APBB1IP: variants seen among roughly 807,000 people sequenced by gnomAD.
APBB1IP encodes the protein amyloid beta A4 precursor protein-binding family B member 1-interacting protein.
APBB1IP carries 27 observed loss-of-function variants against 64.9 expected under a neutral mutation model. That is an observed-to-expected ratio of 0.42 (90% CI 0.31 to 0.57). The LOEUF is 0.57. APBB1IP is among the 20% of genes least tolerant of loss of function. APBB1IP has a pLI of 0.20. For synonymous variants in APBB1IP, 392 were observed against 331.0 expected (o/e 1.18, Z -2.00); for missense variants, 812 against 845.5 (o/e 0.96, Z 0.49).
Position 26,475,407 on chromosome 10 carries a change from C to T in APBB1IP, c.1-16920C>T, listed in dbSNP as rs556404910. On this transcript the variant is annotated intron_variant, in intron 2 of 14. Transcript: ENST00000376236. ...CAGGAATGAGATTACAGGCCGGAGC[C>T]GCCGTGCCTGGCCTTCCCTTGCTTT... is the stretch of plus-strand genomic sequence containing the variant. Among the ~76,000 whole-genome samples the T allele has an allele frequency of 2.0e-5, 3 of 152,274 alleles. No homozygotes were observed. In the South Asian group the frequency reaches 6.2e-4, roughly 32 times the overall value.
At chr10:26,471,692 GT>G (rs1044681911) in intron 2 of APBB1IP, among the ~76,000 whole-genome samples, 15 of 150,172 alleles carry the variant, frequency 1.0e-4, no homozygotes, top group Admixed American at 2.0e-4. Flanking sequence ...AGCTTTTTTT[GT>G]TTTTTTTTGT....
intron 11 of APBB1IP, among the ~76,000 whole-genome samples, chr10:26,554,238 G>A (rs934930773): frequency 6.6e-6 from 1 of 152,140 alleles, no homozygotes; most frequent in African/African-American, 2.4e-5. Context: ...CAAACTGCTG[G>A]TAACTAGATA....
At chr10:26,503,065 C>G in intron 5 of APBB1IP, 132 bp from the exon 6 acceptor site, 1 of 757,220 alleles carries the variant, frequency 1.3e-6, no homozygotes, top group Middle Eastern at 2.6e-4. Context: ...TTAATAAATT[C>G]TGAAAATCAA....
chr10:26,519,779 G>T (rs907294707), intron 8 of APBB1IP, among the ~76,000 whole-genome samples: 1 of 152,164 alleles, frequency 6.6e-6, no homozygotes, highest in Non-Finnish European at 1.5e-5. Context: ...ATTTTGAAGT[G>T]GCCAATTTTA....
intron 14 of APBB1IP, among the ~76,000 whole-genome samples, chr10:26,562,776 G>A (rs977811627): frequency 3.3e-5 from 5 of 152,008 alleles, no homozygotes; most frequent in African/African-American, 1.2e-4. Context: ...CAGCCTGGGC[G>A]ACAGAGTAAG....
At position 26,513,523 on chromosome 10, in the gene APBB1IP, T is replaced by C. The variant is rs371487753; in HGVS notation, c.692-16T>C. 4.3e-5 allele frequency: 70 copies of C among 1,611,786 alleles called. No individual in the cohort carries two copies. The highest frequency in any genetic ancestry group is 5.9e-5 in the Non-Finnish European group (70 of 1,179,542). On this transcript the variant is annotated splice_polypyrimidine_tract_variant and intron_variant, in intron 7 of 14. Transcript: ENST00000376236. ...ATGTCTTGGGTCTGAAAGAATACCT[T>C]TTCTTATTTCATCAGAGAGGTTTTT...
At chr10:26,474,228 T>A (rs1432595279) in intron 2 of APBB1IP, among the ~76,000 whole-genome samples, 1 of 152,086 alleles carries the variant, frequency 6.6e-6, no homozygotes, top group African/African-American at 2.4e-5. Context: ...AGTGGCTGTA[T>A]CCTGCCTTCT....
At chr10:26,478,518 G>T (rs887213914) in intron 2 of APBB1IP, among the ~76,000 whole-genome samples, 3 of 152,060 alleles carry the variant, frequency 2.0e-5, no homozygotes, top group Non-Finnish European at 2.9e-5. Context: ...AGCAGTCTGA[G>T]GCAGGAGAAT....
At chr10:26,510,568 A>G (rs1437096445) in intron 6 of APBB1IP, among the ~76,000 whole-genome samples, 5 of 152,066 alleles carry the variant, frequency 3.3e-5, no homozygotes, top group Non-Finnish European at 7.4e-5. Context: ...CCTTGCCTCT[A>G]CAAAAAAATG....
intron 13 of APBB1IP, 63 bp downstream of exon 13, chr10:26,560,907 TC>T: frequency 8.0e-7 from 1 of 1,253,878 alleles, no homozygotes; most frequent in Non-Finnish European, 1.1e-6. Context: ...TCAAAATGTA[TC>T]CAATACATCT....
intron 2 of APBB1IP, among the ~76,000 whole-genome samples, chr10:26,472,470 A>G (rs1367076209): frequency 6.6e-6 from 1 of 151,908 alleles, no homozygotes; most frequent in African/African-American, 2.4e-5. Context: ...TACCCTCAAC[A>G]CTCCTGCACT....
At chr10:26,488,292 G>A (rs1835917071) in intron 2 of APBB1IP, among the ~76,000 whole-genome samples, 1 of 151,502 alleles carries the variant, frequency 6.6e-6, no homozygotes, top group African/African-American at 2.4e-5. Flanking sequence ...CTGGACTTTG[G>A]TGGCACCATC....
chr10:26,484,685 AT>A (rs1398501903), intron 2 of APBB1IP, among the ~76,000 whole-genome samples: 1 of 152,152 alleles, frequency 6.6e-6, no homozygotes, highest in African/African-American at 2.4e-5. Context: ...AAACAATTGT[AT>A]TATTACATAT....
At chr10:26,475,094 G>A (rs531710770) in intron 2 of APBB1IP, among the ~76,000 whole-genome samples, 30 of 151,712 alleles carry the variant, frequency 2.0e-4, no homozygotes, top group Admixed American at 4.6e-4. Context: ...TGATGTGTCC[G>A]TGTCTTCCCT....
intron 2 of APBB1IP, among the ~76,000 whole-genome samples, chr10:26,471,297 C>T (rs1835712570): frequency 6.6e-6 from 1 of 152,174 alleles, no homozygotes; most frequent in Non-Finnish European, 1.5e-5. Context: ...GACCCCCACA[C>T]TGCACACGGG....
chr10:26,481,912 AT>A (rs1190573673), intron 2 of APBB1IP, among the ~76,000 whole-genome samples: 4 of 150,312 alleles, frequency 2.7e-5, no homozygotes, highest in African/African-American at 7.4e-5. Context: ...CTCTCTTAGT[AT>A]TTTTTTAAAT....
chr10:26,451,055 A>G (rs1281629113), intron 2 of APBB1IP, among the ~76,000 whole-genome samples: 1 of 152,134 alleles, frequency 6.6e-6, no homozygotes, highest in African/African-American at 2.4e-5. Flanking sequence ...GTTAACTATT[A>G]TAGATTGGCA....
rs544773702 is a variant in APBB1IP at position 26,559,863 on chromosome 10, C to T, written c.1156-242C>T. On this transcript the variant is annotated intron_variant, in intron 11 of 14. Transcript: ENST00000376236. ...TTCACCACGTTGGCCAGGCTCATCT[C>T]GAACTCCTGACTTCAAGTGATCTGC... 2.1e-4 allele frequency among the ~76,000 whole-genome samples: 32 copies of T among 152,072 alleles called. 1 individual carries two copies. The Middle Eastern group carries it at 0.01, about 48-fold the overall frequency.
chr10:26,481,225 G>T (rs1835830956), intron 2 of APBB1IP, among the ~76,000 whole-genome samples: 1 of 152,138 alleles, frequency 6.6e-6, no homozygotes, highest in Non-Finnish European at 1.5e-5. Flanking sequence ...GCTGACCTCT[G>T]TTGTCCTGTG....
Sources: gnomAD v4.1 joint callset for allele counts (sites outside exome capture counted in the v4.1 genomes callset) on GRCh38, gnomAD v4.1.1 for gene constraint, MANE v1.5 for transcripts, NCBI Gene and HGNC (gene_info 2026-07-23, HGNC 2026-07-21) for gene names.